Variants in GALNT13 observed in about 807,000 individuals in gnomAD.
GALNT13 encodes UDP-GalNAc:polypeptide N-acetylgalactosaminyltransferase 13.
A neutral mutation model predicts 64.2 loss-of-function variants in GALNT13; 28 were observed. The ratio of observed to expected loss-of-function variants is 0.44; its 90% CI spans 0.32 to 0.60. The LOEUF (loss-of-function observed/expected upper bound fraction) is 0.60. Ranked by LOEUF, GALNT13 falls within the 20% of genes least tolerant of loss-of-function variation. GALNT13 has a pLI of 0.05. For synonymous variants in GALNT13, 214 were observed against 224.6 expected, an observed-to-expected ratio of 0.95 and a Z score of 0.42; for missense variants, 577 against 669.8, an observed-to-expected ratio of 0.86 and a Z score of 1.53.
chr2:153,901,835 A>G (rs2105294206), intron 2 of GALNT13, among the ~76,000 whole-genome samples: 1 of 152,240 alleles, frequency 6.6e-6, no homozygotes, highest in South Asian at 2.1e-4. Flanking sequence ...TCCTCCCCTA[A>G]TGGCAGATAT....
At chr2:154,038,626 A>C (rs780307458) in intron 3 of GALNT13, among the ~76,000 whole-genome samples, 1 of 152,160 alleles carries the variant, frequency 6.6e-6, no homozygotes, top group Admixed American at 6.6e-5. Flanking sequence ...AATGTATTAA[A>C]TATTTAAATG....
chr2:153,204,209 C>T, the GALNT13 span, among the ~76,000 whole-genome samples: 1 of 152,200 alleles, frequency 6.6e-6, no homozygotes, highest in Non-Finnish European at 1.5e-5. Context: ...AGAGCTGCCT[C>T]AAGTTGCTCT....
chr2:154,337,184 T>C (rs1695501853), intron 9 of GALNT13, among the ~76,000 whole-genome samples: 1 of 152,194 alleles, frequency 6.6e-6, no homozygotes, highest in South Asian at 2.1e-4. Flanking sequence ...AAATGGAATA[T>C]AGTGATGCAG....
chr2:153,187,662 A>G, the GALNT13 span: 1 of 152,210 alleles, frequency 6.6e-6, no homozygotes, highest in African/African-American at 2.4e-5. Flanking sequence ...ATATAAGGAT[A>G]CAAATAAGTG....
intron 3 of GALNT13, among the ~76,000 whole-genome samples, chr2:153,996,009 T>A (rs146836658): frequency 1.1e-4 from 16 of 152,340 alleles, no homozygotes; most frequent in African/African-American, 3.4e-4. Flanking sequence ...CAGGATTTCC[T>A]TCTGGTTTTA....
At chr2:153,347,654 G>T in the GALNT13 span, among the ~76,000 whole-genome samples, 3 of 152,230 alleles carry the variant, frequency 2.0e-5, no homozygotes, top group South Asian at 6.2e-4. Flanking sequence ...TAGAAGTCAT[G>T]GTAATTTAGT....
chr2:153,411,929 G>A, the GALNT13 span, among the ~76,000 whole-genome samples: 1 of 152,164 alleles, frequency 6.6e-6, no homozygotes, highest in Non-Finnish European at 1.5e-5. Context: ...TAACATTTGA[G>A]TCAGTGGGCT....
intron 3 of GALNT13, among the ~76,000 whole-genome samples, chr2:154,038,418 A>T (rs1698787296): frequency 6.6e-6 from 1 of 152,160 alleles, no homozygotes; most frequent in Non-Finnish European, 1.5e-5. Context: ...AAAAACAGAC[A>T]CATAGACCAA....
chr2:153,549,859 C>T, the GALNT13 span, among the ~76,000 whole-genome samples: 1 of 152,310 alleles, frequency 6.6e-6, no homozygotes, highest in African/African-American at 2.4e-5. Flanking sequence ...TATCTGGCAG[C>T]GTCTGACCAG....
At chr2:154,040,919 C>A (rs1253263065) in intron 3 of GALNT13, among the ~76,000 whole-genome samples, 1 of 139,698 alleles carries the variant, frequency 7.2e-6, no homozygotes, top group African/African-American at 2.5e-5. Context: ...ATCCTCCATA[C>A]AATGTGGTAC....
At chr2:153,220,618 G>A in the GALNT13 span, among the ~76,000 whole-genome samples, 1 of 152,320 alleles carries the variant, frequency 6.6e-6, no homozygotes, top group Admixed American at 6.5e-5. Context: ...CTAGGTTCAA[G>A]GTCAGACGGG....
At chr2:154,209,206 G>A (rs561185949) in intron 4 of GALNT13, among the ~76,000 whole-genome samples, 1 of 152,208 alleles carries the variant, frequency 6.6e-6, no homozygotes, top group South Asian at 2.1e-4. Context: ...GATAAAATGA[G>A]AATATCCAAA....
the GALNT13 span, among the ~76,000 whole-genome samples, chr2:153,399,087 A>G: frequency 2.1e-4 from 27 of 131,068 alleles, no homozygotes; most frequent in South Asian, 7.6e-3. Flanking sequence ...ATCCATCTTG[A>G]ATTGATTTTT....
chr2:154,036,477 T>A (rs1452318267), intron 3 of GALNT13, among the ~76,000 whole-genome samples: 2 of 152,098 alleles, frequency 1.3e-5, no homozygotes, highest in African/African-American at 4.8e-5. Flanking sequence ...AAACTGTAAA[T>A]CAGCCTTAAA....
chr2:153,526,587 A>C, the GALNT13 span, among the ~76,000 whole-genome samples: 1 of 152,188 alleles, frequency 6.6e-6, no homozygotes, highest in African/African-American at 2.4e-5. Flanking sequence ...ATGGAAACAA[A>C]CAAGTCCAGA....
chr2:154,031,072 A>G (rs1382206972), intron 3 of GALNT13, among the ~76,000 whole-genome samples: 6 of 152,214 alleles, frequency 3.9e-5, no homozygotes, highest in Admixed American at 1.3e-4. Flanking sequence ...AAAAAGTAAT[A>G]GCAATGCGAT....
chr2:154,134,351 A>G (rs1682826892), intron 3 of GALNT13, among the ~76,000 whole-genome samples: 1 of 152,238 alleles, frequency 6.6e-6, no homozygotes, highest in South Asian at 2.1e-4. Context: ...CAGAGGTTGA[A>G]GGAACTTTCT....
chr2:153,949,238 A>C lies in GALNT13; in HGVS notation c.142+4599A>C, dbSNP rs1691995874. Among the ~76,000 whole-genome samples the C allele has an allele frequency of 2.6e-5, 4 of 152,272 alleles. No homozygotes were observed. In the South Asian group the frequency reaches 8.3e-4, roughly 32 times the overall value. ...CAATGATGACATCGCCTAGTGATGC[A>C]CTTCTCAGAACACTTCCCCATCCTT... On this transcript the variant is annotated intron_variant, in intron 3 of 12. Coordinates refer to ENST00000392825, the MANE Select transcript of GALNT13 (RefSeq NM_052917.4).
At chr2:153,529,132 A>T in the GALNT13 span, among the ~76,000 whole-genome samples, 1 of 151,996 alleles carries the variant, frequency 6.6e-6, no homozygotes, top group African/African-American at 2.4e-5. Flanking sequence ...CTGAAACAAA[A>T]AGTTGTTATT....
Sources: allele counts gnomAD v4.1 joint callset (sites outside exome capture counted in the v4.1 genomes callset), GRCh38; gene constraint gnomAD v4.1.1; transcripts MANE v1.5; gene names NCBI Gene and HGNC (gene_info 2026-07-23, HGNC 2026-07-21).